Variants in PTAFR observed in about 807,000 individuals in gnomAD.
PTAFR encodes platelet-activating factor receptor.
Under a neutral mutation model 14.7 loss-of-function variants are expected in PTAFR, and 8 were observed. That is an observed-to-expected ratio of 0.54 (90% CI 0.32 to 0.98). The LOEUF (loss-of-function observed/expected upper bound fraction) is 0.98, where lower values mean the gene tolerates loss of function less well. Ranked by LOEUF, PTAFR falls within the 50% of genes least tolerant of loss-of-function variation. The probability of loss-of-function intolerance (pLI) is 0.04; values close to 1 mark genes in which losing one functional copy is unlikely to be tolerated. For missense variants in PTAFR, 337 were observed against 451.2 expected, an observed-to-expected ratio of 0.75 and a Z score of 2.29; for synonymous variants, 156 against 176.5, an observed-to-expected ratio of 0.88 and a Z score of 0.92.
chr1:28,192,637 GT>G (rs372014225), intron 1 of PTAFR, among the ~76,000 whole-genome samples: 17 of 147,038 alleles, frequency 1.2e-4, no homozygotes, highest in South Asian at 4.3e-4. Context: ...TAAATGCTGG[GT>G]TTTTTTTTTG....
chr1:28,192,695 G>T (rs768503729), intron 1 of PTAFR, among the ~76,000 whole-genome samples: 3 of 151,612 alleles, frequency 2.0e-5, no homozygotes, highest in Non-Finnish European at 4.4e-5. Context: ...TGCCCAGGCT[G>T]GAGTGCAGTG....
chr1:28,156,107 C>T (rs1646260434), intron 1 of PTAFR, among the ~76,000 whole-genome samples: 1 of 151,840 alleles, frequency 6.6e-6, no homozygotes, highest in Non-Finnish European at 1.5e-5. Context: ...ACTAAAAATA[C>T]AAAAAATCAG....
At chr1:28,164,817 G>C (rs1394562828) in intron 1 of PTAFR, among the ~76,000 whole-genome samples, 1 of 152,138 alleles carries the variant, frequency 6.6e-6, no homozygotes, top group Non-Finnish European at 1.5e-5. Flanking sequence ...GATGCTGTGA[G>C]GCCCCAGGAA....
At chr1:28,174,838 G>A (rs879511282) in intron 1 of PTAFR, among the ~76,000 whole-genome samples, 7 of 152,174 alleles carry the variant, frequency 4.6e-5, no homozygotes, top group Middle Eastern at 3.2e-3. Context: ...TCCCCTTTGC[G>A]CAGCATTTTC....
intron 1 of PTAFR, among the ~76,000 whole-genome samples, chr1:28,187,034 G>A (rs538908450): frequency 2.0e-5 from 3 of 152,212 alleles, no homozygotes; most frequent in African/African-American, 7.2e-5. Context: ...CAAGTGATCT[G>A]CCCGCCTCGG....
chr1:28,178,070 A>T (rs892400504), upstream of PTAFR, among the ~76,000 whole-genome samples: 2 of 151,930 alleles, frequency 1.3e-5, no homozygotes, highest in South Asian at 2.1e-4. Context: ...ACAACCTCCT[A>T]CACAGAGAGG....
chr1:28,157,705 T>G (rs1006991001), intron 1 of PTAFR, among the ~76,000 whole-genome samples: 47 of 151,276 alleles, frequency 3.1e-4, no homozygotes, highest in Non-Finnish European at 5.9e-4. Flanking sequence ...CTCAGCTCAC[T>G]GCAAGCTCCG....
intron 1 of PTAFR, among the ~76,000 whole-genome samples, chr1:28,157,239 A>G (rs1380468496): frequency 6.6e-6 from 1 of 152,124 alleles, no homozygotes; most frequent in Non-Finnish European, 1.5e-5. Flanking sequence ...TCCTGGGCTC[A>G]AGCCAACCTC....
At chr1:28,176,492 T>C (rs1350719749) in intron 1 of PTAFR, 100 bp downstream of exon 1, 1 of 149,278 alleles carries the variant, frequency 6.7e-6, no homozygotes, top group African/African-American at 2.5e-5. Flanking sequence ...GAAGCACCCA[T>C]CTGCTTAGGT....
chr1:28,163,495 T>C (rs1572035869), intron 1 of PTAFR, among the ~76,000 whole-genome samples: 1 of 152,050 alleles, frequency 6.6e-6, no homozygotes, highest in African/African-American at 2.4e-5. Context: ...TGGGGTGGAG[T>C]GGGTTAGGGA....
At position 28,151,145 on chromosome 1, in the gene PTAFR, T is replaced by G. The variant is rs1646182158; in HGVS notation, c.-38-86A>C. The G allele has an allele frequency of 4.0e-6, 3 of 759,216 alleles. No homozygotes were observed. The East Asian group carries it at 8.0e-5, about 20-fold the overall frequency. The allele number at this position is 759,216 out of a possible 1,614,324, so 47.0% of individuals were successfully genotyped here. A position where few individuals can be genotyped will look rare whatever the true frequency, so the allele number is the denominator to read the frequency against. On this transcript the variant is annotated intron_variant, in intron 1 of 1. Transcript: ENST00000373857. Reference sequence around the variant, plus strand: ...TCAGTTCCAAGACTCCTTGCCATGGTTAGAATGATGATGTCCCCTCAGAAG... The same window carrying G: ...TCAGTTCCAAGACTCCTTGCCATGGGTAGAATGATGATGTCCCCTCAGAAG...
intron 1 of PTAFR, among the ~76,000 whole-genome samples, chr1:28,174,960 TC>T (rs1646496715): frequency 1.3e-5 from 2 of 152,250 alleles, no homozygotes; most frequent in South Asian, 4.1e-4. Flanking sequence ...GGAGTCTCGC[TC>T]TGTTGCCCAG....
chr1:28,182,528 C>T (rs1354486454), intron 1 of PTAFR, among the ~76,000 whole-genome samples: 3 of 151,462 alleles, frequency 2.0e-5, no homozygotes, highest in African/African-American at 4.9e-5. Flanking sequence ...TTTTAAAATT[C>T]GCTGCAGTGA....
At chr1:28,171,421 T>A (rs1646453254) in intron 1 of PTAFR, among the ~76,000 whole-genome samples, 1 of 152,146 alleles carries the variant, frequency 6.6e-6, no homozygotes, top group Admixed American at 6.5e-5. Context: ...ATACATGAGT[T>A]ACTTCCTGTT....
intron 1 of PTAFR, among the ~76,000 whole-genome samples, chr1:28,159,570 G>T (rs1646300787): frequency 6.6e-6 from 1 of 152,112 alleles, no homozygotes; most frequent in Non-Finnish European, 1.5e-5. Context: ...AGGCACAGTG[G>T]CTCACTCCTG....
intron 1 of PTAFR, among the ~76,000 whole-genome samples, chr1:28,191,634 A>G (rs1456657211): frequency 6.6e-6 from 1 of 151,918 alleles, no homozygotes; most frequent in Non-Finnish European, 1.5e-5. Flanking sequence ...AGAGTAACTC[A>G]GGCTTCCTCC....
intron 1 of PTAFR, among the ~76,000 whole-genome samples, chr1:28,190,846 C>A (rs1646646366): frequency 6.6e-6 from 1 of 152,122 alleles, no homozygotes; most frequent in African/African-American, 2.4e-5. Context: ...CTCTCACAGC[C>A]TTCCTCAAAC....
At chr1:28,192,566 A>C (rs1646662478) in intron 1 of PTAFR, among the ~76,000 whole-genome samples, 1 of 151,602 alleles carries the variant, frequency 6.6e-6, no homozygotes, top group Non-Finnish European at 1.5e-5. Context: ...CTCAAAAAAA[A>C]AAAAAAAAAA....
At chr1:28,158,882 C>T (rs1646294987) in intron 1 of PTAFR, among the ~76,000 whole-genome samples, 2 of 152,074 alleles carry the variant, frequency 1.3e-5, no homozygotes, top group African/African-American at 2.4e-5. Flanking sequence ...GGTGATCAGA[C>T]CAGAGTCAGG....
Sources: gnomAD v4.1 joint callset for allele counts (sites outside exome capture counted in the v4.1 genomes callset) on GRCh38, gnomAD v4.1.1 for gene constraint, MANE v1.5 for transcripts, NCBI Gene and HGNC (gene_info 2026-07-23, HGNC 2026-07-21) for gene names.